Variants in GNAT3 observed in about 807,000 individuals in gnomAD.
The protein encoded by GNAT3 is guanine nucleotide-binding protein G(t) subunit alpha-3.
Under a neutral mutation model 37.7 loss-of-function variants are expected in GNAT3, and 31 were observed. The ratio of observed to expected loss-of-function variants is 0.82; its 90% CI spans 0.62 to 1.11. GNAT3 has a LOEUF of 1.11. Among genes scored for constraint, GNAT3 ranks in the 50% most tolerant of loss-of-function variants. The pLI, the probability that GNAT3 is intolerant of heterozygous loss-of-function variation, is 0.00. For synonymous variants in GNAT3, 138 were observed against 139.8 expected, an observed-to-expected ratio of 0.99 and a Z score of 0.09; for missense variants, 437 against 412.5, an observed-to-expected ratio of 1.06 and a Z score of -0.51.
chr7:80,462,588 TCCA>T lies in GNAT3; in HGVS notation c.631_633del (p.Trp211del). 6.2e-7 allele frequency: 1 copy of T among 1,612,444 alleles called. No individual in the cohort carries two copies. The highest frequency in any genetic ancestry group is 1.1e-5 in the South Asian group (1 of 91,000). On this transcript the variant is annotated inframe_deletion, in exon 6 of 8. Transcript: ENST00000398291. ...CATGTAACTCCTTCAAAGCAGTGAATCCACTTCTTTCTCTCAGATCTCTGTCCA... is the reference window on the plus strand; with the variant it reads ...CATGTAACTCCTTCAAAGCAGTGAATCTTCTTTCTCTCAGATCTCTGTCCA...
At chr7:80,505,772 T>G (rs7800804) in intron 1 of GNAT3, among the ~76,000 whole-genome samples, 6,178 of 152,300 alleles carry the variant, frequency 0.041, 438 homozygotes, top group African/African-American at 0.14. Context: ...CCCTTTTTTA[T>G]TAGCACTGCA....
Position 80,494,631 on chromosome 7 carries a change from C to T in GNAT3, c.135G>A (p.Gly45=). The stretch of plus-strand genomic sequence containing the variant: ...TCATTTGTTTAACAATAGTACTTTT[C>T]CCAGATTCTCCTGCTCCTGCAACAT... ...KLLLLGAGES[G]KSTIVKQMKI... The change falls in exon 2 of 8, where the codon GGG becomes GGA. Residue 45 remains glycine (G), a synonymous_variant. Coordinates refer to ENST00000398291, the MANE Select transcript of GNAT3 (RefSeq NM_001102386.3). 1 of 1,528,432 alleles carries T rather than the reference C, an allele frequency of 6.5e-7. No individual in the cohort carries two copies. Among genetic ancestry groups the T allele is most frequent in the Non-Finnish European group, 9.0e-7 (1 of 1,116,054 alleles). 94.7% of individuals were successfully genotyped at this position (1,528,432 alleles called of 1,614,324 possible).
At chr7:80,506,828 A>C (rs2116232552) in intron 1 of GNAT3, among the ~76,000 whole-genome samples, 1 of 152,314 alleles carries the variant, frequency 6.6e-6, no homozygotes, top group Admixed American at 6.5e-5. Flanking sequence ...GAAATTGTTA[A>C]ATCTAGCTAA....
At chr7:80,505,890 C>G (rs947557646) in intron 1 of GNAT3, among the ~76,000 whole-genome samples, 2 of 152,020 alleles carry the variant, frequency 1.3e-5, no homozygotes, top group Non-Finnish European at 2.9e-5. Flanking sequence ...TATTTGCACA[C>G]CAGTATTTGG....
chr7:80,495,525 AGTGGC>A (rs1287635497), intron 1 of GNAT3, among the ~76,000 whole-genome samples: 3 of 151,476 alleles, frequency 2.0e-5, no homozygotes, highest in Non-Finnish European at 4.4e-5. Flanking sequence ...GCTGGAGTGC[AGTGGC>A]GTGATCTCAG....
intron 1 of GNAT3, among the ~76,000 whole-genome samples, chr7:80,506,902 T>A (rs749485840): frequency 2.0e-5 from 3 of 152,078 alleles, no homozygotes; most frequent in Non-Finnish European, 2.9e-5. Context: ...CTCAACAGTT[T>A]TCAAGAATGC....
At chr7:80,476,502 C>G (rs1423168241) in intron 4 of GNAT3, among the ~76,000 whole-genome samples, 1 of 149,696 alleles carries the variant, frequency 6.7e-6, no homozygotes, top group Non-Finnish European at 1.5e-5. Context: ...CCCTGCCATA[C>G]CCCTCTTCTT....
chr7:80,499,471 G>A (rs919369042), intron 1 of GNAT3, among the ~76,000 whole-genome samples: 2 of 151,960 alleles, frequency 1.3e-5, no homozygotes, highest in Non-Finnish European at 2.9e-5. Context: ...TGCAGCCTTG[G>A]CCTCCTGGCC....
chr7:80,462,168 C>A lies in GNAT3; in HGVS notation c.865G>T (p.Glu289Ter). 1 of 1,561,940 alleles carries A rather than the reference C, an allele frequency of 6.4e-7. No individual in the cohort carries two copies. ...AAGAAAAAAATCTTACCAGTGTATT[C>A]TGGAAAGCAGATACTAAGATGCACC... ...TKVHLSICFP[E>*]YTGPNTFEDA... The change falls in exon 7 of 8, where the codon GAA becomes TAA. Residue 289 changes from glutamate to a stop codon, truncating the protein, a stop_gained. Transcript: ENST00000398291. LOFTEE classifies it low-confidence loss of function (END_TRUNC).
At chr7:80,494,185 C>T (rs570244447) in intron 2 of GNAT3, among the ~76,000 whole-genome samples, 1 of 152,214 alleles carries the variant, frequency 6.6e-6, no homozygotes, top group South Asian at 2.1e-4. Flanking sequence ...AAAAATACAT[C>T]ACAATTCATG....
At chr7:80,460,308 G>C (rs1320309745) in intron 7 of GNAT3, among the ~76,000 whole-genome samples, 1 of 152,172 alleles carries the variant, frequency 6.6e-6, no homozygotes, top group Non-Finnish European at 1.5e-5. Context: ...GTGGTTGCCA[G>C]GAGTGTGAGG....
chr7:80,469,177 T>G (rs1790169797), intron 5 of GNAT3, among the ~76,000 whole-genome samples: 1 of 152,144 alleles, frequency 6.6e-6, no homozygotes, highest in Admixed American at 6.6e-5. Flanking sequence ...AAACCGTAGT[T>G]TCTTTTATAT....
chr7:80,486,532 C>G (rs933691227), intron 3 of GNAT3: 2 of 150,674 alleles, frequency 1.3e-5, no homozygotes, highest in African/African-American at 4.9e-5. Flanking sequence ...GCAACCTCAA[C>G]CTCCCAAGCT....
chr7:80,509,349 G>A (rs577681158), intron 1 of GNAT3, among the ~76,000 whole-genome samples: 181 of 152,092 alleles, frequency 1.2e-3, no homozygotes, highest in Non-Finnish European at 2.1e-3. Context: ...ATTGAAATAG[G>A]AACAACTTAA....
chr7:80,510,561 A>G (rs1562738268), intron 1 of GNAT3, among the ~76,000 whole-genome samples: 2 of 152,142 alleles, frequency 1.3e-5, no homozygotes, highest in Non-Finnish European at 2.9e-5. Context: ...TCAGAAACTA[A>G]CAGAATTCTA....
intron 5 of GNAT3, among the ~76,000 whole-genome samples, chr7:80,473,714 G>A (rs998402403): frequency 1.2e-4 from 18 of 152,102 alleles, no homozygotes; most frequent in Non-Finnish European, 2.4e-4. Flanking sequence ...GGAAGCTCTC[G>A]ATAATATAAC....
At chr7:80,486,632 C>CTTTTTTTTTTTTTTTTTTTTT (rs762169940) in intron 3 of GNAT3, 3 of 98,422 alleles carry the variant, frequency 3.0e-5, no homozygotes, top group Admixed American at 1.1e-4. Flanking sequence ...TTTTCTTTTC[C>CTTTTTTTTTTTTTTTTTTTTT]TTTTTTTTTT....
chr7:80,481,991 T>C (rs1790398769), intron 3 of GNAT3, among the ~76,000 whole-genome samples: 2 of 152,214 alleles, frequency 1.3e-5, no homozygotes, highest in Admixed American at 6.5e-5. Flanking sequence ...TTGACTGATA[T>C]CTGCCTGTAA....
intron 2 of GNAT3, among the ~76,000 whole-genome samples, chr7:80,488,958 T>C (rs1050164798): frequency 1.2e-4 from 19 of 152,134 alleles, no homozygotes; most frequent in Non-Finnish European, 2.9e-5. Flanking sequence ...ATAAGCATTA[T>C]ACTTAGAAAG....
Sources: allele counts gnomAD v4.1 joint callset (sites outside exome capture counted in the v4.1 genomes callset), GRCh38; gene constraint gnomAD v4.1.1; transcripts MANE v1.5; gene names NCBI Gene and HGNC (gene_info 2026-07-23, HGNC 2026-07-21).